Variants in AUTS2 observed in about 807,000 individuals in gnomAD.
AUTS2 encodes the protein activator of transcription and developmental regulator AUTS2.
Under a neutral mutation model 112.4 loss-of-function variants are expected in AUTS2, and 17 were observed. That is an observed-to-expected ratio of 0.15 (90% CI 0.10 to 0.23). The LOEUF is 0.23. Among genes scored for constraint, AUTS2 ranks in the 10% least tolerant of loss-of-function variants. The pLI is 1.00. For synonymous variants in AUTS2, 751 were observed against 702.7 expected (o/e 1.07, Z -1.09); for missense variants, 1,510 against 1,701.6 (o/e 0.89, Z 1.98).
At chr7:70,686,261 G>C (rs900742244) in intron 5 of AUTS2, among the ~76,000 whole-genome samples, 1 of 152,194 alleles carries the variant, frequency 6.6e-6, no homozygotes, top group African/African-American at 2.4e-5. Context: ...GTAAGTTGCT[G>C]TTCCAAGTGC....
intron 5 of AUTS2, among the ~76,000 whole-genome samples, chr7:70,479,078 G>A (rs1048389112): frequency 4.0e-5 from 6 of 151,682 alleles, no homozygotes; most frequent in Non-Finnish European, 5.9e-5. Context: ...GAAAAAGGAG[G>A]TCATATAAAA....
intron 5 of AUTS2, among the ~76,000 whole-genome samples, chr7:70,540,464 C>T (rs1258706556): frequency 1.3e-5 from 2 of 152,192 alleles, no homozygotes; most frequent in African/African-American, 2.4e-5. Context: ...AGCTGCCCTA[C>T]CATTGTGTGC....
At chr7:70,645,999 C>A (rs1806139431) in intron 5 of AUTS2, among the ~76,000 whole-genome samples, 1 of 152,196 alleles carries the variant, frequency 6.6e-6, no homozygotes, top group Non-Finnish European at 1.5e-5. Flanking sequence ...TTTCACACCA[C>A]CGTCATGCTT....
chr7:69,626,340 T>A (rs1306013365), intron 1 of AUTS2, among the ~76,000 whole-genome samples: 1 of 152,192 alleles, frequency 6.6e-6, no homozygotes. Context: ...ATTATTTTTT[T>A]TTGCTATCTT....
chr7:69,724,686 ACT>A (rs1786420332), intron 1 of AUTS2, among the ~76,000 whole-genome samples: 1 of 151,984 alleles, frequency 6.6e-6, no homozygotes, highest in African/African-American at 2.4e-5. Context: ...ATAACCACAA[ACT>A]CTCTTAGTGA....
At chr7:70,554,548 G>A (rs1179213350) in intron 5 of AUTS2, among the ~76,000 whole-genome samples, 1 of 151,808 alleles carries the variant, frequency 6.6e-6, no homozygotes, top group African/African-American at 2.4e-5. Context: ...GCCATCCAGG[G>A]GAAAACACAT....
intron 4 of AUTS2, among the ~76,000 whole-genome samples, chr7:70,259,028 G>A (rs1445685947): frequency 2.0e-5 from 3 of 152,138 alleles, no homozygotes; most frequent in African/African-American, 7.2e-5. Context: ...GTGCCCTTCA[G>A]GAACTCACTT....
chr7:69,882,197 C>A (rs1035845911), intron 1 of AUTS2, among the ~76,000 whole-genome samples: 1 of 143,950 alleles, frequency 6.9e-6, no homozygotes, highest in African/African-American at 2.6e-5. Context: ...ATAGGCTGGG[C>A]GTGCTGGCTC....
At chr7:69,699,585 A>G (rs1487794785) in intron 1 of AUTS2, among the ~76,000 whole-genome samples, 3 of 150,630 alleles carry the variant, frequency 2.0e-5, no homozygotes, top group African/African-American at 7.3e-5. Context: ...AACCTGTCTG[A>G]CACTTTGGTT....
In AUTS2 at chr7:70,790,534, T is replaced by C. The variant is rs1203482262; in HGVS notation, c.3318T>C (p.Thr1106=). The C allele has an allele frequency of 6.2e-7, 1 of 1,607,512 alleles. No individual in the cohort carries two copies. Among genetic ancestry groups the C allele is most frequent in the Non-Finnish European group, 8.5e-7 (1 of 1,177,654 alleles). The change falls in exon 19 of 19, where the codon ACT becomes ACC. Residue 1106 remains threonine, a synonymous_variant. Transcript: ENST00000342771. The surrounding 1 kb of genome is among the most constrained non-coding windows in gnomAD (Gnocchi z 7.6). ...ACGACCCGCTCCACCGGCTCTCGACTCCCCGGCTGTACGAAGCCGACCGCT... is the reference window on the plus strand; with the variant it reads ...ACGACCCGCTCCACCGGCTCTCGACCCCCCGGCTGTACGAAGCCGACCGCT... ...LRNDPLHRLS[T]PRLYEADRSF...
chr7:69,623,465 C>T (rs1161482096), intron 1 of AUTS2, among the ~76,000 whole-genome samples: 1 of 136,330 alleles, frequency 7.3e-6, no homozygotes, highest in Non-Finnish European at 1.5e-5. Flanking sequence ...CTCCTGGGCT[C>T]AAGGAATCTA....
chr7:69,900,332 A>G (rs1389774405), intron 2 of AUTS2, among the ~76,000 whole-genome samples: 1 of 152,262 alleles, frequency 6.6e-6, no homozygotes, highest in Non-Finnish European at 1.5e-5. Flanking sequence ...CACTGAAGAA[A>G]GCAGAGGAAG....
intron 2 of AUTS2, among the ~76,000 whole-genome samples, chr7:69,996,452 G>A (rs1273315978): frequency 2.0e-5 from 3 of 152,174 alleles, no homozygotes; most frequent in Non-Finnish European, 4.4e-5. Flanking sequence ...TTGAGATCAT[G>A]GGTGTAGAAA....
At chr7:70,439,010 A>G (rs1796012459) in intron 5 of AUTS2, among the ~76,000 whole-genome samples, 1 of 152,020 alleles carries the variant, frequency 6.6e-6, no homozygotes, top group Non-Finnish European at 1.5e-5. Flanking sequence ...ATTAAGATAA[A>G]CTCTGCTTTC....
chr7:70,432,506 T>C (rs1345157944), intron 4 of AUTS2, among the ~76,000 whole-genome samples: 1 of 152,172 alleles, frequency 6.6e-6, no homozygotes, highest in Non-Finnish European at 1.5e-5. Context: ...CCTCCCTTTT[T>C]CATAAAGCAG....
At chr7:70,689,981 C>T (rs186797638) in intron 5 of AUTS2, among the ~76,000 whole-genome samples, 73 of 152,250 alleles carry the variant, frequency 4.8e-4, no homozygotes, top group African/African-American at 6.5e-4. Flanking sequence ...TTGGTCTCCA[C>T]GGTAATCAAA....
At chr7:70,413,915 T>G (rs1330444296) in intron 4 of AUTS2, among the ~76,000 whole-genome samples, 1 of 152,136 alleles carries the variant, frequency 6.6e-6, no homozygotes, top group African/African-American at 2.4e-5. Context: ...GCTCAAGCAA[T>G]ATGCCCGCCT....
At chr7:69,664,255 A>C (rs1396391031) in intron 1 of AUTS2, among the ~76,000 whole-genome samples, 1 of 152,232 alleles carries the variant, frequency 6.6e-6, no homozygotes, top group African/African-American at 2.4e-5. Context: ...CAATTTTGCT[A>C]TCAAAGAAAA....
chr7:70,291,516 G>A (rs1017304426), intron 4 of AUTS2: 5 of 152,052 alleles, frequency 3.3e-5, no homozygotes, highest in Admixed American at 6.6e-5. Flanking sequence ...TAGAATGGGG[G>A]AAGTGGTATA....
Sources: allele counts gnomAD v4.1 joint callset (sites outside exome capture counted in the v4.1 genomes callset), GRCh38; gene constraint gnomAD v4.1.1; non-coding constraint Gnocchi (gnomAD v3.1); transcripts MANE v1.5; gene names NCBI Gene and HGNC (gene_info 2026-07-23, HGNC 2026-07-21).